MED16: variants seen among roughly 807,000 people sequenced by gnomAD.
MED16 encodes the protein mediator of RNA polymerase II transcription subunit 16.
Under a neutral mutation model 84.4 loss-of-function variants are expected in MED16, and 81 were observed. The observed-to-expected ratio is 0.96, with a 90% confidence interval of 0.80 to 1.15. The LOEUF is 1.15. MED16 is among the 50% of genes most tolerant of loss of function. The pLI is 0.00. For synonymous variants in MED16, 897 were observed against 552.2 expected (o/e 1.62, Z -8.76); for missense variants, 1,585 against 1,245.9 (o/e 1.27, Z -4.10).
intron 10 of MED16, among the ~76,000 whole-genome samples, chr19:874,455 G>A (rs961174010): frequency 3.3e-5 from 5 of 152,168 alleles, no homozygotes; most frequent in East Asian, 1.9e-4. Flanking sequence ...AGTGGCTCAC[G>A]CCTGTAATCC....
At chr19:870,675 C>T (rs1159256649) in intron 13 of MED16, among the ~76,000 whole-genome samples, 2 of 151,334 alleles carry the variant, frequency 1.3e-5, no homozygotes, top group Non-Finnish European at 2.9e-5. Flanking sequence ...TTAGGGGCAC[C>T]TAGAAGGAAG....
At position 870,677 on chromosome 19, in the gene MED16, A is replaced by G. The variant is rs377684359; in HGVS notation, c.2315+360T>C. ...CTAGGGGATGGAGTTAGGGGCACCT[A>G]GAAGGAAGCAGCAGTCATGGCCATG... On this transcript the variant is annotated intron_variant, in intron 13 of 15. Coordinates refer to ENST00000325464, the MANE Select transcript of MED16 (RefSeq NM_005481.3). 4.2e-4 allele frequency among the ~76,000 whole-genome samples: 64 copies of G among 151,686 alleles called. No individual in the cohort carries two copies. The South Asian group carries it at 9.8e-3, about 23-fold the overall frequency.
intron 3 of MED16, among the ~76,000 whole-genome samples, 158 bp from the exon 4 acceptor site, chr19:889,965 G>A (rs2036600663): frequency 6.6e-6 from 1 of 152,214 alleles, no homozygotes; most frequent in Non-Finnish European, 1.5e-5. Flanking sequence ...GATGCCCTGA[G>A]ACACCCTGAA....
At chr19:885,037 C>T (rs1277830479) in intron 5 of MED16, 29 bp from the exon 6 acceptor site, 1 of 1,539,738 alleles carries the variant, frequency 6.5e-7, no homozygotes, top group East Asian at 2.3e-5. Flanking sequence ...TGAGGGCTGA[C>T]CCGGCACTGC....
rs2036620390 is a variant in MED16, at chr19:890,986, A to G, written c.146T>C (p.Met49Thr). The G allele has an allele frequency of 6.2e-7, 1 of 1,613,954 alleles. No homozygotes were observed. Among genetic ancestry groups the G allele is most frequent in the Non-Finnish European group, 8.5e-7 (1 of 1,179,968 alleles). ...WSCRNLIAFT[M>T]DLRSDDQDLT... The stretch of plus-strand genomic sequence containing the variant: ...ACCCTGGTCATCGCTGCGCAGGTCC[A>G]TGGTGAAGGCGATGAGATTTCGGCA... Residue 49 changes from methionine to threonine, a missense_variant, in exon 2 of 16, where the codon ATG (methionine) becomes ACG (threonine). By Grantham distance (81) the Met-to-Thr change is moderately conservative (BLOSUM62 -1). Coordinates refer to ENST00000325464, the MANE Select transcript of MED16 (RefSeq NM_005481.3).
intron 11 of MED16, 63 bp from the exon 12 acceptor site, chr19:872,181 G>T: frequency 1.4e-6 from 2 of 1,454,138 alleles, no homozygotes; most frequent in Non-Finnish European, 1.9e-6. Context: ...GGGATGAAGT[G>T]TCTTGGGGTC....
At chr19:883,132 G>A (rs545484403) in intron 6 of MED16, among the ~76,000 whole-genome samples, 8 of 152,366 alleles carry the variant, frequency 5.3e-5, no homozygotes, top group Admixed American at 2.6e-4. Flanking sequence ...GCTGCGGTCA[G>A]CATTCCTAAA....
intron 12 of MED16, 136 bp from the exon 13 acceptor site, chr19:871,389 C>A: frequency 1.5e-6 from 2 of 1,305,808 alleles, no homozygotes; most frequent in South Asian, 2.9e-5. Flanking sequence ...TGGGTGACCC[C>A]GGGGTTCTCT....
chr19:875,028 G>C (rs1025475436), intron 10 of MED16, among the ~76,000 whole-genome samples: 2 of 152,168 alleles, frequency 1.3e-5, no homozygotes, highest in Non-Finnish European at 2.9e-5. Flanking sequence ...GCCGGGCGTG[G>C]TGGCACGTGC....
At chr19:872,552 C>G (rs1359773910) in intron 11 of MED16, among the ~76,000 whole-genome samples, 1 of 151,844 alleles carries the variant, frequency 6.6e-6, no homozygotes, top group Non-Finnish European at 1.5e-5. Context: ...TTCAAACCGT[C>G]CGTGATGGGC....
Position 868,936 on chromosome 19 carries a change from G to A in MED16, c.2326C>T (p.Gln776Ter), listed in dbSNP as rs1437440864. Residue 776 changes from glutamine to a stop codon, truncating the protein, a stop_gained, in exon 14 of 16, where the codon CAG becomes TAG. Coordinates refer to ENST00000325464, the MANE Select transcript of MED16 (RefSeq NM_005481.3). LOFTEE classifies it high-confidence loss of function. ...QLDGLARAPGQPKIDHLRRLH... is the reference protein window; with the variant it reads ...QLDGLARAPG Reference sequence around the variant, plus strand: ...CTCCGCAGGTGGTCGATCTTGGGCTGGCCTGGGGCCCTGGCGGGAGAGGGG... The same window carrying A: ...CTCCGCAGGTGGTCGATCTTGGGCTAGCCTGGGGCCCTGGCGGGAGAGGGG... 6.5e-7 allele frequency: 1 copy of A among 1,541,452 alleles called. No individual in the cohort carries two copies. Among genetic ancestry groups the A allele is most frequent in the Non-Finnish European group, 8.7e-7 (1 of 1,150,472 alleles).
chr19:881,440 C>T, intron 7 of MED16, 119 bp downstream of exon 7: 1 of 1,225,838 alleles, frequency 8.2e-7, no homozygotes, highest in Non-Finnish European at 1.1e-6. Context: ...GCCCCATGGC[C>T]TGTGCTCAGA....
chr19:886,714 A>T (rs2036534001), intron 4 of MED16, among the ~76,000 whole-genome samples: 2 of 152,236 alleles, frequency 1.3e-5, no homozygotes, highest in Admixed American at 1.3e-4. Context: ...TTGATTTCAA[A>T]TCAAATTTGT....
Position 879,979 on chromosome 19 carries a change from C to T in MED16, c.1311G>A (p.Ser437=), listed in dbSNP as rs376858509. The part of the protein sequence containing the change: ...PAVHLKAMQL[S]WTSLALVGID... The stretch of plus-strand genomic sequence containing the variant: ...TCCCCACCAGGGCCAGTGACGTCCA[C>T]GATAGCTGCATAGCCTTTAAGTGGA... Residue 437 remains serine (S), a synonymous_variant, in exon 8 of 16, where the codon TCG becomes TCA. Coordinates refer to ENST00000325464, the MANE Select transcript of MED16 (RefSeq NM_005481.3). 24 of 1,608,262 alleles carry T rather than the reference C, an allele frequency of 1.5e-5. No individual in the cohort carries two copies. The highest frequency in any genetic ancestry group is 3.4e-4 in the Middle Eastern group (2 of 5,920).
intron 10 of MED16, among the ~76,000 whole-genome samples, chr19:873,974 C>T (rs540135237): frequency 7.6e-4 from 115 of 152,254 alleles, no homozygotes; most frequent in African/African-American, 2.7e-3. Flanking sequence ...TGGCAGCTGG[C>T]GGCGGTTACA....
At chr19:882,569 G>T (rs1299318540) in intron 6 of MED16, among the ~76,000 whole-genome samples, 1 of 152,158 alleles carries the variant, frequency 6.6e-6, no homozygotes, top group Non-Finnish European at 1.5e-5. Flanking sequence ...CGTGTGGGGG[G>T]TCCTGCTGTG....
chr19:884,847 A>T, intron 6 of MED16, 56 bp downstream of exon 6: 2 of 1,441,180 alleles, frequency 1.4e-6, no homozygotes, highest in Non-Finnish European at 1.9e-6. Context: ...TCCAAAATAA[A>T]AACCAACCGC....
chr19:868,329 G>A lies in MED16; in HGVS notation c.2484-78C>T, dbSNP rs73492565. 3.7e-3 allele frequency: 5,916 copies of A among 1,587,630 alleles called. 174 individuals carry two copies. In the African/African-American group the frequency reaches 0.069, roughly 18 times the overall value. On this transcript the variant is annotated intron_variant, in intron 15 of 15. Coordinates refer to ENST00000325464, the MANE Select transcript of MED16 (RefSeq NM_005481.3). ...GGCTCTTGCAGCAGCCGGGCTCAGG[G>A]GCAGCTGAGGGGTAGCTGAGGAGTA...
intron 7 of MED16, among the ~76,000 whole-genome samples, chr19:880,877 A>G (rs2036406847): frequency 6.6e-6 from 1 of 150,494 alleles, no homozygotes; most frequent in Non-Finnish European, 1.5e-5. Flanking sequence ...GTGAGCCGAG[A>G]TCACACCACT....
Sources: allele counts gnomAD v4.1 joint callset (sites outside exome capture counted in the v4.1 genomes callset), GRCh38; gene constraint gnomAD v4.1.1; transcripts MANE v1.5; gene names NCBI Gene and HGNC (gene_info 2026-07-23, HGNC 2026-07-21).